Variants in PPFIBP1 observed in about 807,000 individuals in gnomAD.
PPFIBP1 encodes the protein liprin-beta-1.
Under a neutral mutation model 137.8 loss-of-function variants are expected in PPFIBP1, and 112 were observed. The observed-to-expected ratio is 0.81, with a 90% CI of 0.70 to 0.95. PPFIBP1 has a LOEUF of 0.95. Ranked by LOEUF, PPFIBP1 falls within the 40% of genes least tolerant of loss-of-function variation. The pLI, the probability that PPFIBP1 is intolerant of heterozygous loss-of-function variation, is 0.00. For missense variants in PPFIBP1, 1,083 were observed against 1,196.6 expected (o/e 0.91, Z 1.40); for synonymous variants, 378 against 417.3 (o/e 0.91, Z 1.15).
chr12:27,633,676 A>G lies in PPFIBP1; in HGVS notation c.64+216A>G, dbSNP rs570518439. The stretch of plus-strand genomic sequence containing the variant: ...GTATCAAAAATTTCAGTTCCATCCT[A>G]GGTTTCTAATCAAGGATAAAGAATC... On this transcript the variant is annotated intron_variant, in intron 3 of 29. Coordinates refer to ENST00000228425, the MANE Select transcript of PPFIBP1 (RefSeq NM_003622.4). 1.1e-4 allele frequency among the ~76,000 whole-genome samples: 16 copies of G among 152,084 alleles called. No homozygotes were observed. The South Asian group carries it at 1.2e-3, about 12-fold the overall frequency.
chr12:27,554,734 T>C (rs528957700), intron 1 of PPFIBP1, among the ~76,000 whole-genome samples: 1 of 152,232 alleles, frequency 6.6e-6, no homozygotes, highest in African/African-American at 2.4e-5. Context: ...AGATAATGGT[T>C]CCTTTGTGCA....
chr12:27,626,065 C>T (rs963406576), intron 2 of PPFIBP1, among the ~76,000 whole-genome samples: 2 of 152,078 alleles, frequency 1.3e-5, no homozygotes, highest in African/African-American at 4.8e-5. Context: ...ACCTCCCCTG[C>T]CCTTGTTTTG....
chr12:27,650,045 G>C lies in PPFIBP1; in HGVS notation c.507G>C (p.Lys169Asn), dbSNP rs1419409134. 1.2e-6 allele frequency: 2 copies of C among 1,602,780 alleles called. No individual in the cohort carries two copies. The highest frequency in any genetic ancestry group is 1.7e-6 in the Non-Finnish European group (2 of 1,169,852). Reference protein sequence around the residue: ...LLSRTSLETQKLDLMAEISNL... With the variant: ...LLSRTSLETQNLDLMAEISNL... Reference sequence around the variant, plus strand: ...GTAGGACATCCTTAGAAACTCAGAAGTTGGATCTGATGGCTGAAATATCTA... The same window carrying C: ...GTAGGACATCCTTAGAAACTCAGAACTTGGATCTGATGGCTGAAATATCTA... The change falls in exon 7 of 30, where the codon AAG becomes AAC. Residue 169 changes from lysine to asparagine, a missense_variant. Coordinates refer to ENST00000228425, the MANE Select transcript of PPFIBP1 (RefSeq NM_003622.4).
At chr12:27,634,171 A>G (rs1435709020) in intron 3 of PPFIBP1, among the ~76,000 whole-genome samples, 1 of 136,862 alleles carries the variant, frequency 7.3e-6, no homozygotes, top group Admixed American at 8.1e-5. Context: ...TTAAGAGAGG[A>G]AGTCTTGCTA....
intron 1 of PPFIBP1, among the ~76,000 whole-genome samples, chr12:27,553,050 G>A (rs544050867): frequency 2.0e-5 from 3 of 152,108 alleles, no homozygotes; most frequent in Non-Finnish European, 2.9e-5. Context: ...GGAAGTGCAC[G>A]CAGAGGCCTA....
At chr12:27,614,240 G>A (rs549577920) in intron 2 of PPFIBP1, among the ~76,000 whole-genome samples, 1 of 152,240 alleles carries the variant, frequency 6.6e-6, no homozygotes, top group Non-Finnish European at 1.5e-5. Flanking sequence ...TTAGCCAAGT[G>A]TAGTGGTACA....
chr12:27,621,434 T>C (rs1386967723), intron 2 of PPFIBP1, among the ~76,000 whole-genome samples: 1 of 152,262 alleles, frequency 6.6e-6, no homozygotes, highest in Non-Finnish European at 1.5e-5. Flanking sequence ...TGAAAAGCAT[T>C]ACATTACCCC....
intron 2 of PPFIBP1, among the ~76,000 whole-genome samples, chr12:27,585,851 A>G (rs2051680055): frequency 6.6e-6 from 1 of 152,188 alleles, no homozygotes. Flanking sequence ...TAGCAAAAGC[A>G]TTGGAGCACG....
At chr12:27,646,888 G>A (rs558623548) in intron 5 of PPFIBP1, among the ~76,000 whole-genome samples, 3 of 152,238 alleles carry the variant, frequency 2.0e-5, no homozygotes, top group South Asian at 2.1e-4. Flanking sequence ...TGAAGGACTA[G>A]CCCAACAGCT....
At chr12:27,590,384 C>T (rs960436994) in intron 2 of PPFIBP1, among the ~76,000 whole-genome samples, 28 of 152,134 alleles carry the variant, frequency 1.8e-4, no homozygotes, top group Admixed American at 1.8e-3. Flanking sequence ...CCATGTTGCC[C>T]AGGCTGGTCT....
At chr12:27,562,451 T>TTTACCA (rs2049246373) in intron 1 of PPFIBP1, among the ~76,000 whole-genome samples, 2 of 152,244 alleles carry the variant, frequency 1.3e-5, no homozygotes, top group Admixed American at 6.5e-5. Flanking sequence ...CAGTATAAAT[T>TTTACCA]ATCTTGGTAA....
chr12:27,692,016 CA>C, intron 28 of PPFIBP1, 88 bp downstream of exon 28: 1 of 1,133,508 alleles, frequency 8.8e-7, no homozygotes, highest in South Asian at 1.8e-5. Context: ...TGATCAAGGA[CA>C]TTTTCTTCAA....
At chr12:27,580,947 G>C (rs1346140272) in intron 2 of PPFIBP1, among the ~76,000 whole-genome samples, 2 of 147,708 alleles carry the variant, frequency 1.4e-5, no homozygotes, top group African/African-American at 5.0e-5. Context: ...GTCTCGGTTT[G>C]TTGCCCAGGC....
chr12:27,526,552 G>A (rs1259599898), intron 1 of PPFIBP1, among the ~76,000 whole-genome samples: 2 of 152,064 alleles, frequency 1.3e-5, no homozygotes, highest in Non-Finnish European at 2.9e-5. Flanking sequence ...AATTAAGGTC[G>A]GCCAGGCTTG....
chr12:27,689,844 G>A (rs1261871698), intron 27 of PPFIBP1, among the ~76,000 whole-genome samples: 2 of 152,080 alleles, frequency 1.3e-5, no homozygotes, highest in East Asian at 1.9e-4. Context: ...AAATCTATAC[G>A]TACTGTACCT....
chr12:27,612,915 T>C (rs988819202), intron 2 of PPFIBP1, among the ~76,000 whole-genome samples: 4 of 139,810 alleles, frequency 2.9e-5, no homozygotes, highest in African/African-American at 1.0e-4. Context: ...TTAGGGTGGG[T>C]TAGATAATAC....
intron 1 of PPFIBP1, among the ~76,000 whole-genome samples, chr12:27,577,421 A>G (rs776176294): frequency 1.3e-5 from 2 of 152,212 alleles, no homozygotes; most frequent in African/African-American, 2.4e-5. Context: ...TTTGTAAAAC[A>G]TGTATGGGAA....
intron 13 of PPFIBP1, among the ~76,000 whole-genome samples, chr12:27,670,554 A>G (rs2060115488): frequency 6.6e-6 from 1 of 152,136 alleles, no homozygotes; most frequent in African/African-American, 2.4e-5. Context: ...AGGCAGGAGG[A>G]CTGCTCGAGC....
At chr12:27,608,728 T>G in intron 2 of PPFIBP1, 1 of 348,490 alleles carries the variant, frequency 2.9e-6, no homozygotes, top group Non-Finnish European at 5.4e-6. Context: ...ACATAGTGTA[T>G]GATATCAGTC....
Sources: gnomAD v4.1 joint callset for allele counts (sites outside exome capture counted in the v4.1 genomes callset) on GRCh38, gnomAD v4.1.1 for gene constraint, MANE v1.5 for transcripts, NCBI Gene and HGNC (gene_info 2026-07-23, HGNC 2026-07-21) for gene names.